Variants in SNX25 observed in about 807,000 individuals in gnomAD.
SNX25 encodes the protein sorting nexin-25.
In SNX25, 62 loss-of-function variants were observed where a neutral mutation model predicts 113.7. That is an observed-to-expected ratio of 0.55 (90% CI 0.44 to 0.67). The LOEUF is 0.67. Ranked by LOEUF, SNX25 falls within the 30% of genes least tolerant of loss-of-function variation. The pLI is 0.00. For missense variants in SNX25, 1,014 were observed against 1,161.0 expected, an observed-to-expected ratio of 0.87 and a Z score of 1.84; for synonymous variants, 421 against 436.2, an observed-to-expected ratio of 0.97 and a Z score of 0.43.
At chr4:185,359,341 C>CAA (rs889181456) in intron 16 of SNX25, among the ~76,000 whole-genome samples, 2 of 141,044 alleles carry the variant, frequency 1.4e-5, no homozygotes, top group East Asian at 2.0e-4. Flanking sequence ...GACCCTTTCT[C>CAA]AAAAAAAAAA....
In SNX25 at chr4:185,210,503, G is replaced by C. The variant is rs760478414; in HGVS notation, c.429+248G>C. Among the ~76,000 whole-genome samples, 31 of 151,782 alleles carry C rather than the reference G, an allele frequency of 2.0e-4. No individual in the cohort carries two copies. Among genetic ancestry groups the C allele is most frequent in the Middle Eastern group, 6.8e-3 (2 of 292 alleles). On this transcript the variant is annotated intron_variant, in intron 1 of 18. Transcript: ENST00000652585. The surrounding 1 kb of genome is among the most constrained non-coding windows in gnomAD (Gnocchi z 4.4). ...AGATGCGCGTTATTTACTGGGCTCT[G>C]TAGTCACTCGACAACCATCCTCAGT...
At chr4:185,335,046 G>A (rs1038434732) in intron 10 of SNX25, among the ~76,000 whole-genome samples, 9 of 152,164 alleles carry the variant, frequency 5.9e-5, no homozygotes, top group African/African-American at 1.2e-4. Flanking sequence ...TTGGCCAGGA[G>A]TGGTGGCTCA....
chr4:185,357,830 T>C lies in SNX25; in HGVS notation c.2651+93T>C, dbSNP rs2095345666. ...ATGATCTAGCAGCCAGTCATTTAACTGAAAGTCTTTAATTTTCTCTCACTT... is the reference window on the plus strand; with the variant it reads ...ATGATCTAGCAGCCAGTCATTTAACCGAAAGTCTTTAATTTTCTCTCACTT... On this transcript the variant is annotated intron_variant, in intron 16 of 18. Coordinates refer to ENST00000652585, the MANE Select transcript of SNX25 (RefSeq NM_001378034.2). 4 of 1,040,520 alleles carry C rather than the reference T, an allele frequency of 3.8e-6. No individual in the cohort carries two copies. The South Asian group carries it at 5.2e-5, about 14-fold the overall frequency. The allele number at this position is 1,040,520 out of a possible 1,614,324, so 64.5% of individuals were successfully genotyped here. A position where few individuals can be genotyped will look rare whatever the true frequency, so the allele number is the denominator to read the frequency against.
chr4:185,374,047 C>T (rs749287847), downstream of SNX25: 483 of 1,082,118 alleles, frequency 4.5e-4, 1 homozygote, highest in Admixed American at 9.1e-4. Flanking sequence ...ATATTTAAAA[C>T]GACATTCCCC....
At chr4:185,300,518 T>G (rs1393609013) in intron 6 of SNX25, among the ~76,000 whole-genome samples, 1 of 151,882 alleles carries the variant, frequency 6.6e-6, no homozygotes, top group African/African-American at 2.4e-5. Flanking sequence ...CATTCTAGAA[T>G]TTAAAGGTGT....
chr4:185,337,323 G>A (rs1198735074), intron 10 of SNX25, among the ~76,000 whole-genome samples: 1 of 152,140 alleles, frequency 6.6e-6, no homozygotes, highest in African/African-American at 2.4e-5. Flanking sequence ...AGTACCTGAT[G>A]TTAGTGGAAT....
intron 1 of SNX25, among the ~76,000 whole-genome samples, chr4:185,217,720 A>C (rs1259328450): frequency 6.6e-6 from 1 of 152,154 alleles, no homozygotes; most frequent in Admixed American, 6.5e-5. Flanking sequence ...ATTCCTTAAA[A>C]TGTAGGATTC....
chr4:185,377,070 C>G, the SNX25 span: 1 of 1,244,644 alleles, frequency 8.0e-7, no homozygotes, highest in African/African-American at 1.5e-5. Flanking sequence ...TGAATTTTCT[C>G]TCTTGAAGTA....
intron 5 of SNX25, among the ~76,000 whole-genome samples, chr4:185,274,559 T>C (rs1156306032): frequency 6.6e-6 from 1 of 152,204 alleles, no homozygotes; most frequent in Non-Finnish European, 1.5e-5. Flanking sequence ...TTTGCTGCCA[T>C]AGCACATGGA....
Position 185,264,611 on chromosome 4 carries a change from G to A in SNX25, c.904+1G>A. ...CTTGCAGAAATTCTCACAACAAAAGGTAGACTTATACAGTTGATTTCACTA... is the reference window on the plus strand; with the variant it reads ...CTTGCAGAAATTCTCACAACAAAAGATAGACTTATACAGTTGATTTCACTA... On this transcript the variant is annotated splice_donor_variant, in intron 4 of 18. Transcript: ENST00000652585. LOFTEE classifies it high-confidence loss of function. 1.2e-6 allele frequency: 2 copies of A among 1,613,698 alleles called. No individual in the cohort carries two copies. The highest frequency in any genetic ancestry group is 1.7e-4 in the Middle Eastern group (1 of 6,058).
In SNX25 at chr4:185,281,073, C is replaced by T. The variant is rs115208328; in HGVS notation, c.1092-6939C>T. On this transcript the variant is annotated intron_variant, in intron 5 of 18. Coordinates refer to ENST00000652585, the MANE Select transcript of SNX25 (RefSeq NM_001378034.2). ...TTACCTTTTCCCTCGTTTGGAGAGACGCCCCACAGCTTCCACTGCTACACT... is the reference window on the plus strand; with the variant it reads ...TTACCTTTTCCCTCGTTTGGAGAGATGCCCCACAGCTTCCACTGCTACACT... Among the ~76,000 whole-genome samples, 652 of 152,194 alleles carry T rather than the reference C, an allele frequency of 4.3e-3. 3 individuals are homozygous for T. The highest frequency in any genetic ancestry group is 0.014 in the African/African-American group (597 of 41,514).
At position 185,346,551 on chromosome 4, in the gene SNX25, A is replaced by T. The variant is rs777141248; in HGVS notation, c.2202A>T (p.Leu734Phe). 14 of 1,592,572 alleles carry T rather than the reference A, an allele frequency of 8.8e-6. No homozygotes were observed. Among genetic ancestry groups the T allele is most frequent in the Non-Finnish European group, 1.1e-5 (13 of 1,173,764 alleles). ...TCCCCCCACAGTGCGTCCCTTCTTT[A>T]AAAAAAGTCCAGTTGCCTTCTCTTA... ...HRKLSECVPS[L>F]KKVQLPSLSK... Residue 734 changes from leucine to phenylalanine, a missense_variant, in exon 13 of 19, where the codon TTA becomes TTT. Transcript: ENST00000652585.
downstream of SNX25, chr4:185,374,100 A>T (rs2095425185): frequency 6.5e-7 from 1 of 1,538,816 alleles, no homozygotes. Flanking sequence ...ATTAATCTAA[A>T]TATAACACTA....
In SNX25 at chr4:185,361,931, C is replaced by G; in HGVS notation, c.2659C>G (p.Arg887Gly). The G allele has an allele frequency of 6.2e-7, 1 of 1,613,190 alleles. No homozygotes were observed. Among genetic ancestry groups the G allele is most frequent in the South Asian group, 1.1e-5 (1 of 90,972 alleles). The change falls in exon 17 of 19, where the codon CGG becomes GGG. Residue 887 changes from arginine to glycine, a missense_variant. Coordinates refer to ENST00000652585, the MANE Select transcript of SNX25 (RefSeq NM_001378034.2). Reference sequence around the variant, plus strand: ...ATCTTTTTCTCTTAAAAGACAAATCCGGGACACAGTCAGCTGGATTTTCAG... The same window carrying G: ...ATCTTTTTCTCTTAAAAGACAAATCGGGGACACAGTCAGCTGGATTTTCAG... Reference protein sequence around the residue: ...TFGRTINKQIRDTVSWIFSEQ... With the variant: ...TFGRTINKQIGDTVSWIFSEQ...
Position 185,361,920 on chromosome 4 carries a change from A to C in SNX25, c.2652-4A>C. On this transcript the variant is annotated splice_region_variant and splice_polypyrimidine_tract_variant and intron_variant, in intron 16 of 18. Transcript: ENST00000652585. ...TCATCCAAGAAATCTTTTTCTCTTA[A>C]AAGACAAATCCGGGACACAGTCAGC... The C allele has an allele frequency of 6.2e-7, 1 of 1,612,242 alleles. No homozygotes were observed. Among genetic ancestry groups the C allele is most frequent in the Non-Finnish European group, 8.5e-7 (1 of 1,179,216 alleles).
intron 7 of SNX25, among the ~76,000 whole-genome samples, chr4:185,314,524 A>G (rs1735796900): frequency 6.6e-6 from 1 of 152,178 alleles, no homozygotes; most frequent in South Asian, 2.1e-4. Context: ...TAAATGGAAG[A>G]GACAAATTCC....
chr4:185,248,520 C>T (rs1031927389), intron 2 of SNX25, among the ~76,000 whole-genome samples: 17 of 151,966 alleles, frequency 1.1e-4, no homozygotes, highest in Admixed American at 5.9e-4. Flanking sequence ...GGAGTGGTGG[C>T]ACATGCCTGT....
chr4:185,261,792 T>C (rs1205469835), intron 3 of SNX25, among the ~76,000 whole-genome samples: 1 of 152,164 alleles, frequency 6.6e-6, no homozygotes, highest in South Asian at 2.1e-4. Flanking sequence ...CTAGAACCTG[T>C]AGTTGATGAT....
intron 6 of SNX25, among the ~76,000 whole-genome samples, chr4:185,304,650 C>T (rs995012304): frequency 1.3e-5 from 2 of 152,040 alleles, no homozygotes; most frequent in Admixed American, 6.5e-5. Context: ...AGCCACCACA[C>T]CGGGCCTAAA....
Sources: gnomAD v4.1 joint callset for allele counts (sites outside exome capture counted in the v4.1 genomes callset) on GRCh38, gnomAD v4.1.1 for gene constraint, Gnocchi (gnomAD v3.1) non-coding constraint, MANE v1.5 for transcripts, NCBI Gene and HGNC (gene_info 2026-07-23, HGNC 2026-07-21) for gene names.